The following RAD21L1 variants were observed in gnomAD, a reference collection of about 807,000 sequenced individuals.
RAD21L1 encodes double-strand-break repair protein rad21-like protein 1.
In RAD21L1, 47 loss-of-function variants were observed where a neutral mutation model predicts 69.0. The observed-to-expected ratio is 0.68, with a 90% confidence interval of 0.54 to 0.87. The LOEUF is 0.87. Ranked by LOEUF, RAD21L1 falls within the 40% of genes least tolerant of loss-of-function variation. The pLI, the probability that RAD21L1 is intolerant of heterozygous loss-of-function variation, is 0.00. For missense variants in RAD21L1, 583 were observed against 647.6 expected (o/e 0.90, Z 1.08); for synonymous variants, 177 against 205.8 (o/e 0.86, Z 1.20).
intron 4 of RAD21L1, among the ~76,000 whole-genome samples, chr20:1,232,754 A>G (rs1311898552): frequency 1.3e-5 from 2 of 152,166 alleles, no homozygotes; most frequent in Non-Finnish European, 2.9e-5. Context: ...TTCCCCTAAA[A>G]TTCATATGTT....
intron 1 of RAD21L1, among the ~76,000 whole-genome samples, chr20:1,226,763 G>A (rs985041655): frequency 6.6e-6 from 1 of 152,238 alleles, no homozygotes; most frequent in Admixed American, 6.5e-5. Flanking sequence ...GGAGGGTGCG[G>A]GGGGAGTTTG....
In RAD21L1 at chr20:1,239,343, GT is replaced by G. The variant is rs2087561226; in HGVS notation, c.680del (p.Leu227Ter). On this transcript the variant is annotated frameshift_variant, in exon 7 of 14. Transcript: ENST00000683101. LOFTEE classifies it high-confidence loss of function. ...TATTGCAAGATGATCAGAATATCCT[GT>G]TAGAAGACATGCATTTGAACAGAGA... ...NLLQDDQNIL[L>X]EDMHLNREIS... The G allele has an allele frequency of 5.8e-6, 9 of 1,548,640 alleles. No homozygotes were observed. Among genetic ancestry groups the G allele is most frequent in the Middle Eastern group, 3.3e-4 (2 of 5,990 alleles).
At chr20:1,233,734 G>A (rs533981260) in intron 4 of RAD21L1, among the ~76,000 whole-genome samples, 22 of 152,110 alleles carry the variant, frequency 1.4e-4, no homozygotes, top group Non-Finnish European at 2.6e-4. Flanking sequence ...CTGCCCTCAT[G>A]ACCTAATTAT....
In RAD21L1 at chr20:1,248,824, C is replaced by A. The variant is rs530062953; in HGVS notation, c.1479+121C>A. 1.5e-5 allele frequency: 8 copies of A among 535,336 alleles called. No individual in the cohort carries two copies. In the South Asian group the frequency reaches 2.0e-4, roughly 14 times the overall value. 33.2% of individuals were successfully genotyped at this position (535,336 alleles called of 1,614,324 possible). A position where few individuals can be genotyped will look rare whatever the true frequency, so the allele number is the denominator to read the frequency against. ...TCCTTATTTTTTTGAGGCCAAATCC[C>A]ACTAGAGTGCAATGATTTTCAGTAG... is the stretch of plus-strand genomic sequence containing the variant. On this transcript the variant is annotated intron_variant, in intron 13 of 13. Coordinates refer to ENST00000683101, the MANE Select transcript of RAD21L1 (RefSeq NM_001384355.1).
intron 2 of RAD21L1, among the ~76,000 whole-genome samples, chr20:1,229,114 G>A (rs924975218): frequency 6.6e-6 from 1 of 152,218 alleles, no homozygotes. Flanking sequence ...CCTATGGTGT[G>A]TTAGGCACTG....
intron 1 of RAD21L1, among the ~76,000 whole-genome samples, chr20:1,227,686 G>A (rs1448727127): frequency 6.6e-6 from 1 of 152,186 alleles, no homozygotes; most frequent in African/African-American, 2.4e-5. Context: ...ACCAAGAATA[G>A]TACAGTTTGT....
rs202057527 is a variant in RAD21L1, at chr20:1,246,298, T to C, written c.1394T>C (p.Val465Ala). ...LFAQEIEYSP[V>A]ELESLSNEEN... ...GCACAAGAAATTGAATATAGTCCAG[T>C]TGAATTGGTAAATATATGTGTAGTC... Residue 465 changes from valine to alanine, a missense_variant, in exon 12 of 14, where the codon GTT becomes GCT. Physicochemically the swap from Val to Ala is moderately conservative, Grantham distance 64. Transcript: ENST00000683101. The surrounding 1 kb of genome is among the most constrained non-coding windows in gnomAD (Gnocchi z 4.6). 2.7e-6 allele frequency: 4 copies of C among 1,480,306 alleles called. No homozygotes were observed. Among genetic ancestry groups the C allele is most frequent in the Non-Finnish European group, 2.7e-6 (3 of 1,091,480 alleles). The allele number at this position is 1,480,306 out of a possible 1,614,324, so 91.7% of individuals were successfully genotyped here.
chr20:1,231,784 T>C (rs879796532), intron 4 of RAD21L1, among the ~76,000 whole-genome samples, 165 bp downstream of exon 4: 2 of 152,226 alleles, frequency 1.3e-5, no homozygotes, highest in Admixed American at 1.3e-4. Flanking sequence ...ACAACAAAAG[T>C]GTGTCATTTT....
chr20:1,231,717 C>T lies in RAD21L1; in HGVS notation c.368+98C>T, dbSNP rs189118866. ...TCAAATGGAATGTAGTTAACAACTG[C>T]ACAAGTACAGATGTAATTGATAAAG... On this transcript the variant is annotated intron_variant, in intron 4 of 13. Coordinates refer to ENST00000683101, the MANE Select transcript of RAD21L1 (RefSeq NM_001384355.1). 1.1e-5 allele frequency: 7 copies of T among 654,544 alleles called. No homozygotes were observed. The East Asian group carries it at 1.7e-4, about 16-fold the overall frequency. 40.5% of individuals were successfully genotyped at this position (654,544 alleles called of 1,614,324 possible).
intron 1 of RAD21L1, among the ~76,000 whole-genome samples, chr20:1,227,158 G>A (rs1378576325): frequency 1.3e-5 from 2 of 152,206 alleles, no homozygotes; most frequent in East Asian, 3.9e-4. Context: ...TGATCCGCCC[G>A]CCTCAGCCTC....
chr20:1,234,112 T>C lies in RAD21L1; in HGVS notation c.396T>C (p.Thr132=). The C allele has an allele frequency of 6.5e-7, 1 of 1,542,144 alleles. No individual in the cohort carries two copies. Among genetic ancestry groups the C allele is most frequent in the Non-Finnish European group, 8.8e-7 (1 of 1,139,212 alleles). ...MNAIDVSEHF[T]QNQSRPEEIT... ...CTATTGATGTTTCAGAACACTTTAC[T>C]CAGAACCAAAGCAGACCAGAAGAAA... The change falls in exon 5 of 14, where the codon ACT becomes ACC. Residue 132 remains threonine (T), a synonymous_variant. Transcript: ENST00000683101.
At chr20:1,251,734 A>ATT (rs757278217) in intron 13 of RAD21L1, among the ~76,000 whole-genome samples, 3 of 151,778 alleles carry the variant, frequency 2.0e-5, no homozygotes, top group Non-Finnish European at 4.4e-5. Context: ...ACTTTACTGA[A>ATT]TTTTTATATC....
At chr20:1,247,084 T>G (rs2087732332) in intron 12 of RAD21L1, among the ~76,000 whole-genome samples, 1 of 152,174 alleles carries the variant, frequency 6.6e-6, no homozygotes. Context: ...TACCTGAACT[T>G]TTTACCTGAA....
At chr20:1,226,912 T>G (rs1474208115) in intron 1 of RAD21L1, among the ~76,000 whole-genome samples, 4 of 152,226 alleles carry the variant, frequency 2.6e-5, no homozygotes, top group Non-Finnish European at 5.9e-5. Context: ...ACTTAAAAAG[T>G]ACATTTGATT....
Position 1,229,899 on chromosome 20 carries a change from C to G in RAD21L1, c.164C>G (p.Thr55Ser). Residue 55 changes from threonine (T) to serine (S), a missense_variant, in exon 3 of 14, where the codon ACT becomes AGT. Transcript: ENST00000683101. ...TGAAAGGTGAAAATAGCACTTCGAACTTCAGGACACCTTCTTTTGGGAGTT... is the reference window on the plus strand; with the variant it reads ...TGAAAGGTGAAAATAGCACTTCGAAGTTCAGGACACCTTCTTTTGGGAGTT... ...LSPKVKIALRTSGHLLLGVVR... is the reference protein window; with the variant it reads ...LSPKVKIALRSSGHLLLGVVR... 6.5e-7 allele frequency: 1 copy of G among 1,548,784 alleles called. No homozygotes were observed. Among genetic ancestry groups the G allele is most frequent in the South Asian group, 1.2e-5 (1 of 83,784 alleles).
chr20:1,245,354 A>G (rs1489151034), intron 11 of RAD21L1, among the ~76,000 whole-genome samples: 1 of 152,218 alleles, frequency 6.6e-6, no homozygotes, highest in East Asian at 1.9e-4. Context: ...TTTATATACC[A>G]TACCTGCAAA....
Position 1,254,532 on chromosome 20 carries a change from T to C in RAD21L1, c.*75T>C. On this transcript the variant is annotated 3_prime_UTR_variant, in exon 14 of 14. Coordinates refer to ENST00000683101, the MANE Select transcript of RAD21L1 (RefSeq NM_001384355.1). Reference sequence around the variant, plus strand: ...ATTGTTCAATTTAATGCAGAAGCCATCTGGAAGCAGCTGAAGGTCTGATCC... The same window carrying C: ...ATTGTTCAATTTAATGCAGAAGCCACCTGGAAGCAGCTGAAGGTCTGATCC... The C allele has an allele frequency of 1.9e-6, 2 of 1,057,476 alleles. No homozygotes were observed. Among genetic ancestry groups the C allele is most frequent in the Non-Finnish European group, 2.6e-6 (2 of 774,088 alleles). 65.5% of individuals were successfully genotyped at this position (1,057,476 alleles called of 1,614,324 possible). A position where few individuals can be genotyped will look rare whatever the true frequency, so the allele number is the denominator to read the frequency against.
chr20:1,228,719 C>T (rs2087318888), intron 2 of RAD21L1, 122 bp downstream of exon 2: 1 of 699,506 alleles, frequency 1.4e-6, no homozygotes, highest in Non-Finnish European at 2.3e-6. Context: ...AATGGTCTTT[C>T]CTTTAATTCC....
At chr20:1,243,847 T>C (rs1190388215) in intron 10 of RAD21L1, among the ~76,000 whole-genome samples, 199 bp from the exon 11 acceptor site, 1 of 150,972 alleles carries the variant, frequency 6.6e-6, no homozygotes, top group African/African-American at 2.4e-5. Context: ...GAATGGGGAG[T>C]GGAGGTGATA....
Sources: allele counts gnomAD v4.1 joint callset (sites outside exome capture counted in the v4.1 genomes callset), GRCh38; gene constraint gnomAD v4.1.1; non-coding constraint Gnocchi (gnomAD v3.1); transcripts MANE v1.5; gene names NCBI Gene and HGNC (gene_info 2026-07-23, HGNC 2026-07-21).